RNF32: variants seen among roughly 807,000 people sequenced by gnomAD.
RNF32 encodes the protein ring finger protein 32.
Under a neutral mutation model 41.0 loss-of-function variants are expected in RNF32, and 36 were observed. That is an observed-to-expected ratio of 0.88 (90% confidence interval 0.67 to 1.16). The LOEUF (loss-of-function observed/expected upper bound fraction) is 1.16, where lower values mean the gene tolerates loss of function less well. RNF32 is among the 50% of genes most tolerant of loss of function. The probability of loss-of-function intolerance (pLI) is 0.00; values close to 1 mark genes in which losing one functional copy is unlikely to be tolerated. For synonymous variants in RNF32, 154 were observed against 160.9 expected, an observed-to-expected ratio of 0.96 and a Z score of 0.32; for missense variants, 413 against 436.7, an observed-to-expected ratio of 0.95 and a Z score of 0.48.
At chr7:156,673,767 C>T (rs1001883619) in intron 7 of RNF32, among the ~76,000 whole-genome samples, 1 of 152,154 alleles carries the variant, frequency 6.6e-6, no homozygotes, top group South Asian at 2.1e-4. Context: ...ATAGTCTCCA[C>T]AGCACTCGAC....
At chr7:156,666,518 A>G (rs1474240443) in intron 7 of RNF32, among the ~76,000 whole-genome samples, 1 of 152,236 alleles carries the variant, frequency 6.6e-6, no homozygotes, top group Non-Finnish European at 1.5e-5. Context: ...CCTTTCAGCT[A>G]TATTGAAGTC....
At chr7:156,652,872 G>GACC (rs1409511625) in intron 3 of RNF32, among the ~76,000 whole-genome samples, 3 of 152,154 alleles carry the variant, frequency 2.0e-5, no homozygotes, top group Non-Finnish European at 4.4e-5. Context: ...AGTGAGCCAT[G>GACC]ACCACATCAC....
At chr7:156,663,635 A>T (rs1250913506) in intron 7 of RNF32, among the ~76,000 whole-genome samples, 1 of 152,202 alleles carries the variant, frequency 6.6e-6, no homozygotes, top group African/African-American at 2.4e-5. Context: ...AGAGCTAATA[A>T]TTTTTTTAAA....
intron 7 of RNF32, chr7:156,660,420 A>G (rs920124485): frequency 1.1e-4 from 44 of 408,934 alleles, no homozygotes; most frequent in African/African-American, 8.9e-4. Context: ...TCAATAGCAA[A>G]TTCACTTAAG....
In RNF32 at chr7:156,676,634, G is replaced by C. The variant is rs745550127; in HGVS notation, c.1068G>C (p.Gln356His). The C allele has an allele frequency of 1.9e-6, 3 of 1,613,762 alleles. No homozygotes were observed. Among genetic ancestry groups the C allele is most frequent in the Non-Finnish European group, 2.5e-6 (3 of 1,179,720 alleles). ...GTCCTCTCTGCCGCTCCTGCTACCAGAAGAAGATTCTTGAATGTTGAATTC... is the reference window on the plus strand; with the variant it reads ...GTCCTCTCTGCCGCTCCTGCTACCACAAGAAGATTCTTGAATGTTGAATTC... Reference protein sequence around the residue: ...HACPLCRSCYQKKILEC With the variant: ...HACPLCRSCYHKKILEC Residue 356 changes from glutamine (Q) to histidine (H), a missense_variant, in exon 9 of 9, where the codon CAG (glutamine) becomes CAC (histidine). Gln to His is a conservative substitution (Grantham distance 24, BLOSUM62 0). Transcript: ENST00000317955.
At chr7:156,672,230 A>G (rs1802698662) in intron 7 of RNF32, among the ~76,000 whole-genome samples, 1 of 152,192 alleles carries the variant, frequency 6.6e-6, no homozygotes, top group Non-Finnish European at 1.5e-5. Flanking sequence ...GTTTCTTTCA[A>G]CAAGTGCCTA....
At chr7:156,660,066 T>G (rs1800388368) in intron 7 of RNF32, 3 of 985,820 alleles carry the variant, frequency 3.0e-6, no homozygotes, top group East Asian at 1.1e-4. Flanking sequence ...TGTTTTTTGT[T>G]TTATCCTTGG....
chr7:156,643,746 T>A, intron 1 of RNF32, 55 bp from the exon 2 acceptor site: 1 of 813,850 alleles, frequency 1.2e-6, no homozygotes, highest in Non-Finnish European at 2.1e-6. Context: ...CTCACAAACT[T>A]CATGGTTTTT....
rs143763859 is a variant in RNF32 at position 156,644,820 on chromosome 7, T to C, written c.274+63T>C. 1.9e-4 allele frequency: 284 copies of C among 1,485,356 alleles called. No homozygotes were observed. The East Asian group carries it at 4.6e-3, about 24-fold the overall frequency. 92.0% of individuals were successfully genotyped at this position (1,485,356 alleles called of 1,614,324 possible). A position where few individuals can be genotyped will look rare whatever the true frequency, so the allele number is the denominator to read the frequency against. Reference sequence around the variant, plus strand: ...GGCTAAAAAAATCTATTGAGATTAATAGTATAATTTTTTATGTTACAGAAA... The same window carrying C: ...GGCTAAAAAAATCTATTGAGATTAACAGTATAATTTTTTATGTTACAGAAA... On this transcript the variant is annotated intron_variant, in intron 3 of 8. Coordinates refer to ENST00000317955, the MANE Select transcript of RNF32 (RefSeq NM_030936.4).
chr7:156,653,626 T>G (rs1173363824), intron 3 of RNF32, among the ~76,000 whole-genome samples: 1 of 152,216 alleles, frequency 6.6e-6, no homozygotes, highest in Admixed American at 6.5e-5. Flanking sequence ...CATTGACCCG[T>G]CTTTGGGGTG....
intron 4 of RNF32, 111 bp from the exon 5 acceptor site, chr7:156,657,430 T>G (rs1799882733): frequency 2.7e-6 from 3 of 1,099,038 alleles, no homozygotes; most frequent in African/African-American, 1.5e-5. Flanking sequence ...TTAATTTGCT[T>G]TTTTAAAGAA....
intron 7 of RNF32, among the ~76,000 whole-genome samples, chr7:156,663,517 A>C (rs949372978): frequency 1.2e-4 from 18 of 152,220 alleles, no homozygotes; most frequent in African/African-American, 4.3e-4. Context: ...AAAAATGTCC[A>C]CTTACTTTAT....
intron 7 of RNF32, among the ~76,000 whole-genome samples, chr7:156,672,925 C>G (rs1802883961): frequency 6.6e-6 from 1 of 152,236 alleles, no homozygotes. Context: ...CCTGAATGGG[C>G]CTCAGAATCA....
At chr7:156,666,988 G>A (rs1040813326) in intron 7 of RNF32, among the ~76,000 whole-genome samples, 2 of 152,232 alleles carry the variant, frequency 1.3e-5, no homozygotes, top group East Asian at 3.9e-4. Context: ...GGGGCTGCTG[G>A]CTCCCACACC....
At chr7:156,651,795 A>T (rs1585022170) in intron 3 of RNF32, among the ~76,000 whole-genome samples, 1 of 152,252 alleles carries the variant, frequency 6.6e-6, no homozygotes, top group Non-Finnish European at 1.5e-5. Flanking sequence ...ATCATCACTC[A>T]TCACTGATTC....
At chr7:156,654,886 A>G in intron 4 of RNF32, 168 bp downstream of exon 4, 1 of 559,128 alleles carries the variant, frequency 1.8e-6, no homozygotes, top group Middle Eastern at 4.8e-4. Flanking sequence ...GTGAAGAGCT[A>G]AACACCCTCA....
upstream of RNF32, chr7:156,640,407 CGGGGCTCG>C: frequency 2.4e-6 from 1 of 422,150 alleles, no homozygotes; most frequent in Middle Eastern, 4.3e-4. Context: ...GAAGCCGGCG[CGGGGCTCG>C]GCCCTCACTA....
chr7:156,657,706 A>G (rs1481887246), intron 5 of RNF32, 133 bp downstream of exon 5: 2 of 852,000 alleles, frequency 2.3e-6, no homozygotes, highest in Non-Finnish European at 4.0e-6. Context: ...AGTTAAAGAA[A>G]CATGACTGTA....
At chr7:156,658,432 A>G (rs1800080225) in intron 6 of RNF32, 30 bp from the exon 7 acceptor site, 2 of 1,568,870 alleles carry the variant, frequency 1.3e-6, no homozygotes, top group East Asian at 4.5e-5. Context: ...GTCATCATAA[A>G]TTAGTCATTT....
Sources: allele counts gnomAD v4.1 joint callset (sites outside exome capture counted in the v4.1 genomes callset), GRCh38; gene constraint gnomAD v4.1.1; transcripts MANE v1.5; gene names NCBI Gene and HGNC (gene_info 2026-07-23, HGNC 2026-07-21).